Variants in RIPK1 observed in about 807,000 individuals in gnomAD.
RIPK1 encodes the protein receptor interacting serine/threonine kinase 1.
RIPK1 carries 27 observed loss-of-function variants against 62.4 expected under a neutral mutation model. The ratio of observed to expected loss-of-function variants is 0.43; its 90% CI spans 0.32 to 0.60. The LOEUF is 0.60. RIPK1 is among the 20% of genes least tolerant of loss of function. The pLI, the probability that RIPK1 is intolerant of heterozygous loss-of-function variation, is 0.07. For missense variants in RIPK1, 735 were observed against 831.0 expected (o/e 0.88, Z 1.42); for synonymous variants, 287 against 303.2 (o/e 0.95, Z 0.55).
At chr6:3,079,093 T>G (rs1489163728) in intron 3 of RIPK1, among the ~76,000 whole-genome samples, 1 of 151,410 alleles carries the variant, frequency 6.6e-6, no homozygotes, top group Non-Finnish European at 1.5e-5. Context: ...GTGGTATTTT[T>G]TTTTTTAGAG....
At chr6:3,086,737 C>G (rs1293589278) in intron 6 of RIPK1, among the ~76,000 whole-genome samples, 1 of 152,170 alleles carries the variant, frequency 6.6e-6, no homozygotes, top group Admixed American at 6.5e-5. Flanking sequence ...CCAAGCCTCA[C>G]CGTTTAAGGT....
chr6:3,065,086 A>G (rs901385617), upstream of RIPK1, among the ~76,000 whole-genome samples: 167 of 151,724 alleles, frequency 1.1e-3, no homozygotes, highest in Non-Finnish European at 1.9e-3. Flanking sequence ...ACTAAAAAAA[A>G]GAAAAAAAAG....
chr6:3,115,129 C>T lies in RIPK1; in HGVS notation c.*1790C>T, dbSNP rs571150140. 1.3e-5 allele frequency: 2 copies of T among 152,228 alleles called. No homozygotes were observed. Among genetic ancestry groups the T allele is most frequent in the East Asian group, 3.9e-4 (2 of 5,182 alleles). The allele number at this position is 152,228 out of a possible 1,614,324, so 9.4% of individuals were successfully genotyped here. On this transcript the variant is annotated 3_prime_UTR_variant, in exon 11 of 11. Transcript: ENST00000259808. ...CCAAAGAGGTTGAATAATTAATGTT[C>T]AAAGGCAAGAGGGCAAGGCATTTTT...
At position 3,106,267 on chromosome 6, in the gene RIPK1, A is replaced by G. The variant is rs186221557; in HGVS notation, c.1576+216A>G. ...GGATTCATCACAGATGCCCGCAAGC[A>G]TCGGGTTACAGGTCCTTGTGACTGG... is the stretch of plus-strand genomic sequence containing the variant. On this transcript the variant is annotated intron_variant, in intron 9 of 10. Coordinates refer to ENST00000259808, the MANE Select transcript of RIPK1 (RefSeq NM_001354930.2). Among the ~76,000 whole-genome samples, 19 of 152,288 alleles carry G rather than the reference A, an allele frequency of 1.2e-4. No homozygotes were observed. In the East Asian group the frequency reaches 3.7e-3, roughly 29 times the overall value.
intron 5 of RIPK1, among the ~76,000 whole-genome samples, chr6:3,084,350 C>A (rs1044678472): frequency 1.3e-5 from 2 of 152,156 alleles, no homozygotes; most frequent in African/African-American, 4.8e-5. Flanking sequence ...CTGGCCTTTG[C>A]TTCTCTACTG....
In RIPK1 at chr6:3,083,153, G is replaced by C; in HGVS notation, c.528G>C (p.Leu176=). Residue 176 remains leucine, a synonymous_variant, in exon 5 of 11, where the codon CTG becomes CTC. Coordinates refer to ENST00000259808, the MANE Select transcript of RIPK1 (RefSeq NM_001354930.2). ...SKLNNEEHNE[L]REVDGTAKKN... is the part of the protein sequence containing the mutation. The stretch of plus-strand genomic sequence containing the variant: ...TGAATAATGAAGAGCACAATGAGCT[G>C]AGGGAAGTGGACGGCACCGCTAAGA... The C allele has an allele frequency of 6.2e-7, 1 of 1,614,048 alleles. No individual in the cohort carries two copies. The highest frequency in any genetic ancestry group is 1.3e-5 in the African/African-American group (1 of 75,022).
chr6:3,081,860 TAAAAAAAAAAAAAAAAAAAAA>T (rs58330257), intron 4 of RIPK1, among the ~76,000 whole-genome samples: 78 of 22,870 alleles, frequency 3.4e-3, no homozygotes, highest in East Asian at 0.022. Flanking sequence ...AACTCTGCCT[TAAAAAAAAAAAAAAAAAAAAA>T]AAAAAAAAAA....
upstream of RIPK1, among the ~76,000 whole-genome samples, chr6:3,066,100 T>C (rs1422944156): frequency 6.6e-6 from 1 of 152,200 alleles, no homozygotes; most frequent in Non-Finnish European, 1.5e-5. Context: ...CTTGGCTCAC[T>C]GCAACCTCCG....
At chr6:3,067,720 C>T (rs1468662312), upstream of RIPK1, among the ~76,000 whole-genome samples, 1 of 146,866 alleles carries the variant, frequency 6.8e-6, no homozygotes, top group Non-Finnish European at 1.5e-5. Flanking sequence ...TATCTTTTCA[C>T]AGTATGTAAT....
At chr6:3,097,923 T>C (rs1760397975) in intron 7 of RIPK1, among the ~76,000 whole-genome samples, 1 of 152,172 alleles carries the variant, frequency 6.6e-6, no homozygotes, top group Non-Finnish European at 1.5e-5. Context: ...AGGCAGGGCA[T>C]GGTGGCTCAT....
chr6:3,111,006 T>A (rs751084466), intron 10 of RIPK1, 51 bp downstream of exon 10: 1 of 1,371,660 alleles, frequency 7.3e-7, no homozygotes, highest in South Asian at 1.5e-5. Flanking sequence ...ACTTTCTTAC[T>A]TGTGAGAAGG....
At chr6:3,076,362 A>G (rs1370912120) in intron 1 of RIPK1, among the ~76,000 whole-genome samples, 2 of 152,224 alleles carry the variant, frequency 1.3e-5, no homozygotes, top group East Asian at 3.9e-4. Context: ...AATGTTAACA[A>G]AAGTTTTTAA....
chr6:3,096,166 C>A (rs1051673519), intron 7 of RIPK1, among the ~76,000 whole-genome samples: 1 of 152,162 alleles, frequency 6.6e-6, no homozygotes, highest in Non-Finnish European at 1.5e-5. Flanking sequence ...TATGCAAGAC[C>A]AAGCTACTTA....
chr6:3,086,336 G>C (rs1759690503), intron 6 of RIPK1, among the ~76,000 whole-genome samples: 2 of 152,214 alleles, frequency 1.3e-5, no homozygotes, highest in South Asian at 4.1e-4. Flanking sequence ...TTGTATGGTA[G>C]TTTCATGTAC....
rs750830587 is a variant in RIPK1 at position 3,083,226 on chromosome 6, G to A, written c.601G>A (p.Val201Ile). Reference sequence around the variant, plus strand: ...CATGGCGCCCGAGCACCTGAATGACGTCAACGCAAAGCCCACAGAGAAGTC... The same window carrying A: ...CATGGCGCCCGAGCACCTGAATGACATCAACGCAAAGCCCACAGAGAAGTC... Reference protein sequence around the residue: ...YYMAPEHLNDVNAKPTEKSDV... With the variant: ...YYMAPEHLNDINAKPTEKSDV... Residue 201 changes from valine to isoleucine, a missense_variant, in exon 5 of 11, where the codon GTC becomes ATC. By Grantham distance (29) the Val-to-Ile change is conservative. This residue lies in a region of RIPK1 where 671 missense variants were observed against 726.2 expected (regional missense o/e 0.92). Transcript: ENST00000259808. 38 of 1,613,860 alleles carry A rather than the reference G, an allele frequency of 2.4e-5. No homozygotes were observed. The highest frequency in any genetic ancestry group is 5.5e-5 in the South Asian group (5 of 91,074).
intron 4 of RIPK1, among the ~76,000 whole-genome samples, chr6:3,082,318 TG>T (rs1411750597): frequency 6.6e-6 from 1 of 152,236 alleles, no homozygotes; most frequent in Non-Finnish European, 1.5e-5. Flanking sequence ...TCTTATGTCG[TG>T]GGTTAGAATC....
chr6:3,077,970 G>T (rs780390219), intron 3 of RIPK1, 35 bp downstream of exon 3: 3 of 1,608,452 alleles, frequency 1.9e-6, no homozygotes, highest in Admixed American at 3.3e-5. Context: ...GATCCCCAGC[G>T]CTTGGGCCCT....
chr6:3,107,251 CG>C (rs1760898314), intron 9 of RIPK1, among the ~76,000 whole-genome samples: 1 of 124,622 alleles, frequency 8.0e-6, no homozygotes. Context: ...GATTGTGTCT[CG>C]AAAAAAAAAA....
At chr6:3,068,364 C>T (rs1313328621), upstream of RIPK1, 2 of 985,338 alleles carry the variant, frequency 2.0e-6, no homozygotes, top group Non-Finnish European at 2.4e-6. Context: ...ACAAAGTCCG[C>T]GATCCTCTAG....
Sources: allele counts gnomAD v4.1 joint callset (sites outside exome capture counted in the v4.1 genomes callset), GRCh38; gene constraint gnomAD v4.1.1; regional missense constraint gnomAD v4.1.1; transcripts MANE v1.5; gene names NCBI Gene and HGNC (gene_info 2026-07-23, HGNC 2026-07-21).